HSPBAP1: variants seen among roughly 807,000 people sequenced by gnomAD.
HSPBAP1 encodes HSPB1 associated protein 1.
A neutral mutation model predicts 45.2 loss-of-function variants in HSPBAP1; 27 were observed. That is an observed-to-expected ratio of 0.60 (90% CI 0.44 to 0.82). HSPBAP1 has a LOEUF of 0.82. HSPBAP1 is among the 40% of genes least tolerant of loss of function. The pLI is 0.00. For synonymous variants in HSPBAP1, 204 were observed against 202.7 expected, an observed-to-expected ratio of 1.01 and a Z score of -0.06; for missense variants, 510 against 590.9, an observed-to-expected ratio of 0.86 and a Z score of 1.42.
At chr3:122,778,744 A>G (rs774982199) in intron 1 of HSPBAP1, among the ~76,000 whole-genome samples, 1 of 152,020 alleles carries the variant, frequency 6.6e-6, no homozygotes, top group Non-Finnish European at 1.5e-5. Flanking sequence ...ATTAGCCAAA[A>G]TGGTCTCGAT....
Position 122,785,324 on chromosome 3 carries a change from G to T in HSPBAP1, c.65-7418C>A, listed in dbSNP as rs548092746. Among the ~76,000 whole-genome samples, 12 of 152,210 alleles carry T rather than the reference G, an allele frequency of 7.9e-5. No individual in the cohort carries two copies. The East Asian group carries it at 2.3e-3, about 29-fold the overall frequency. On this transcript the variant is annotated intron_variant, in intron 1 of 7. Transcript: ENST00000306103. ...TAGTCAGGCTTTAATTCTTCTGCTA[G>T]GTCCATCTATGCACTTCCTTGTAAA... is the stretch of plus-strand genomic sequence containing the variant.
At chr3:122,760,580 G>A (rs1296648971) in intron 3 of HSPBAP1, among the ~76,000 whole-genome samples, 1 of 151,928 alleles carries the variant, frequency 6.6e-6, no homozygotes, top group African/African-American at 2.4e-5. Context: ...TGATGAAAAT[G>A]GCTGAATACG....
chr3:122,750,451 C>T (rs925458271), intron 6 of HSPBAP1, among the ~76,000 whole-genome samples: 51 of 152,192 alleles, frequency 3.4e-4, no homozygotes, highest in African/African-American at 1.1e-3. Context: ...CTTGTTATGA[C>T]GTCAGCATAT....
chr3:122,786,388 C>CG (rs1935657955), intron 1 of HSPBAP1: 1 of 152,052 alleles, frequency 6.6e-6, no homozygotes, highest in South Asian at 2.1e-4. Flanking sequence ...TTTGGGGTAG[C>CG]GATTTATTTA....
At chr3:122,768,924 C>T (rs1934883085) in intron 2 of HSPBAP1, 42 bp from the exon 3 acceptor site, 2 of 1,193,178 alleles carry the variant, frequency 1.7e-6, no homozygotes, top group African/African-American at 1.5e-5. Flanking sequence ...ATAATGAACA[C>T]ATTTCCTAAT....
At position 122,740,501 on chromosome 3, in the gene HSPBAP1, C is replaced by T. The variant is rs1933623650; in HGVS notation, c.1311G>A (p.Met437Ile). Reference protein sequence around the residue: ...KLHCAKRQQIMSNSENAIEEQ... With the variant: ...KLHCAKRQQIISNSENAIEEQ... ...CCTCAATTGCATTTTCACTGTTGCT[C>T]ATTATTTGTTGTCTCTTGGCACAAT... The change falls in exon 8 of 8, where the codon ATG (methionine) becomes ATA (isoleucine). Residue 437 changes from methionine to isoleucine, a missense_variant. Transcript: ENST00000306103. 4 of 1,614,164 alleles carry T rather than the reference C, an allele frequency of 2.5e-6. No homozygotes were observed. Among genetic ancestry groups the T allele is most frequent in the Non-Finnish European group, 3.4e-6 (4 of 1,180,032 alleles).
At chr3:122,741,284 G>A in intron 6 of HSPBAP1, 171 bp from the exon 7 acceptor site, 1 of 597,706 alleles carries the variant, frequency 1.7e-6, no homozygotes, top group Admixed American at 2.9e-5. Flanking sequence ...ACTATCACCT[G>A]CCATCTAGAA....
intron 4 of HSPBAP1, 117 bp downstream of exon 4, chr3:122,759,107 G>C: frequency 7.1e-7 from 1 of 1,407,038 alleles, no homozygotes; most frequent in Non-Finnish European, 9.4e-7. Flanking sequence ...CAGGCTGACA[G>C]GATGGGGCTG....
intron 6 of HSPBAP1, 54 bp downstream of exon 6, chr3:122,752,537 T>C (rs774687733): frequency 1.2e-4 from 127 of 1,087,966 alleles, no homozygotes; most frequent in Non-Finnish European, 1.5e-4. Flanking sequence ...ATATATCTTT[T>C]AAAAGCATGA....
At chr3:122,791,760 G>A (rs1320836300) in intron 1 of HSPBAP1, among the ~76,000 whole-genome samples, 1 of 152,194 alleles carries the variant, frequency 6.6e-6, no homozygotes, top group Admixed American at 6.5e-5. Flanking sequence ...AGTGACAAGA[G>A]ATCCTGCTAA....
chr3:122,785,192 C>A (rs1038431786), intron 1 of HSPBAP1, among the ~76,000 whole-genome samples: 1 of 152,122 alleles, frequency 6.6e-6, no homozygotes, highest in Admixed American at 6.6e-5. Context: ...CACATGTGCT[C>A]CAGGGAGAGA....
At chr3:122,773,303 GTTTTTTTTTTTT>G (rs36065763) in intron 2 of HSPBAP1, among the ~76,000 whole-genome samples, 2 of 84,424 alleles carry the variant, frequency 2.4e-5, no homozygotes, top group Admixed American at 3.2e-4. Context: ...AAATAAATGT[GTTTTTTTTTTTT>G]TTTTTTTTTT....
intron 1 of HSPBAP1, among the ~76,000 whole-genome samples, chr3:122,780,767 TG>T (rs1935425160): frequency 6.9e-6 from 1 of 144,124 alleles, no homozygotes; most frequent in Non-Finnish European, 1.5e-5. Context: ...ACGGGGCGGC[TG>T]CCGGGCGGAG....
At chr3:122,747,251 C>T (rs1197188365) in intron 6 of HSPBAP1, among the ~76,000 whole-genome samples, 5 of 151,780 alleles carry the variant, frequency 3.3e-5, no homozygotes, top group East Asian at 1.9e-4. Flanking sequence ...AAGTGAGGAG[C>T]GTCTCTGCCC....
intron 4 of HSPBAP1, chr3:122,758,993 T>G (rs1220030649): frequency 1.2e-5 from 6 of 518,196 alleles, no homozygotes; most frequent in Non-Finnish European, 2.1e-5. Flanking sequence ...AAGACAATCC[T>G]GATCATGACA....
intron 5 of HSPBAP1, chr3:122,753,038 C>T (rs1934215722): frequency 1.7e-5 from 16 of 965,374 alleles, no homozygotes; most frequent in South Asian, 4.6e-5. Context: ...ACACATAGGA[C>T]GTGGCTTCTG....
intron 2 of HSPBAP1, among the ~76,000 whole-genome samples, chr3:122,769,764 C>T (rs1277932023): frequency 6.6e-6 from 1 of 152,256 alleles, no homozygotes; most frequent in Non-Finnish European, 1.5e-5. Context: ...ACTGCAACTT[C>T]TGCCTCCCGA....
At chr3:122,748,172 G>T (rs984904933) in intron 6 of HSPBAP1, among the ~76,000 whole-genome samples, 25 of 152,254 alleles carry the variant, frequency 1.6e-4, no homozygotes, top group Non-Finnish European at 3.1e-4. Context: ...TTAAACAGAC[G>T]CTTGAAGGCA....
intron 1 of HSPBAP1, among the ~76,000 whole-genome samples, chr3:122,779,172 G>A (rs1935313286): frequency 6.6e-6 from 1 of 151,930 alleles, no homozygotes; most frequent in South Asian, 2.1e-4. Context: ...CTTCCGAGTA[G>A]CTGGGATTAC....
Sources: allele counts gnomAD v4.1 joint callset (sites outside exome capture counted in the v4.1 genomes callset), GRCh38; gene constraint gnomAD v4.1.1; transcripts MANE v1.5; gene names NCBI Gene and HGNC (gene_info 2026-07-23, HGNC 2026-07-21).